Variants in KCNN2 observed in about 807,000 individuals in gnomAD.
KCNN2 encodes the protein potassium calcium-activated channel subfamily N member 2, also known as small conductance calcium-activated potassium channel protein 2.
Under a neutral mutation model 55.5 loss-of-function variants are expected in KCNN2, and 24 were observed. The ratio of observed to expected loss-of-function variants is 0.43; its 90% confidence interval spans 0.31 to 0.61. KCNN2 has a LOEUF of 0.61. Ranked by LOEUF, KCNN2 falls within the 20% of genes least tolerant of loss-of-function variation. The probability of loss-of-function intolerance (pLI) is 0.08; values close to 1 mark genes in which losing one functional copy is unlikely to be tolerated. For missense variants in KCNN2, 754 were observed against 853.6 expected, an observed-to-expected ratio of 0.88 and a Z score of 1.45; for synonymous variants, 431 against 336.1, an observed-to-expected ratio of 1.28 and a Z score of -3.09.
chr5:114,410,446 T>C (rs940140959), intron 3 of KCNN2, among the ~76,000 whole-genome samples: 1 of 152,186 alleles, frequency 6.6e-6, no homozygotes, highest in African/African-American at 2.4e-5. Flanking sequence ...GAGCATTTAG[T>C]ATATGTATAT....
At chr5:114,286,925 A>G (rs891156898) in intron 2 of KCNN2, among the ~76,000 whole-genome samples, 2 of 152,218 alleles carry the variant, frequency 1.3e-5, no homozygotes, top group African/African-American at 4.8e-5. Context: ...AGATCCAGCA[A>G]TTATAGATTT....
At chr5:114,237,068 A>G (rs569488802) in intron 2 of KCNN2, among the ~76,000 whole-genome samples, 1 of 152,248 alleles carries the variant, frequency 6.6e-6, no homozygotes, top group East Asian at 1.9e-4. Flanking sequence ...CTTGCTATAC[A>G]TGTGCAAGGG....
intron 5 of KCNN2, among the ~76,000 whole-genome samples, chr5:114,477,792 T>A (rs2150128784): frequency 6.6e-6 from 1 of 152,276 alleles, no homozygotes; most frequent in African/African-American, 2.4e-5. Flanking sequence ...CAGACATAAT[T>A]TTTAAAGTTG....
intron 1 of KCNN2, among the ~76,000 whole-genome samples, chr5:114,149,100 A>G (rs1189044612): frequency 2.0e-5 from 3 of 152,160 alleles, no homozygotes; most frequent in Admixed American, 6.5e-5. Flanking sequence ...ATAAGAGAAT[A>G]AGGTTATAGG....
chr5:114,109,808 A>G (rs1002572394), intron 1 of KCNN2, among the ~76,000 whole-genome samples: 3 of 152,054 alleles, frequency 2.0e-5, no homozygotes, highest in Non-Finnish European at 2.9e-5. Flanking sequence ...CACAGGTAGC[A>G]TGTCTGTCAA....
intron 1 of KCNN2, among the ~76,000 whole-genome samples, chr5:114,188,826 G>T (rs1298019652): frequency 6.6e-6 from 1 of 152,038 alleles, no homozygotes; most frequent in Admixed American, 6.6e-5. Context: ...AGGTGGTGGG[G>T]TATACAACCT....
At position 114,153,676 on chromosome 5, in the gene KCNN2, A is replaced by C. The variant is rs139605249; in HGVS notation, c.-270-67804A>C. On this transcript the variant is annotated intron_variant, in intron 1 of 10. Transcript: ENST00000512097. ...CGGTGGATAGTAAGCAGCCATCCTT[A>C]TCTCTGGAAGGAAATGCTATCATCT... Among the ~76,000 whole-genome samples the C allele has an allele frequency of 7.1e-4, 108 of 152,278 alleles. No individual in the cohort carries two copies. The East Asian group carries it at 0.019, about 27-fold the overall frequency.
At chr5:114,207,186 G>T (rs1042764267) in intron 1 of KCNN2, among the ~76,000 whole-genome samples, 3 of 152,104 alleles carry the variant, frequency 2.0e-5, no homozygotes, top group Non-Finnish European at 4.4e-5. Context: ...ACACTGGACC[G>T]TCAAACACCC....
At chr5:114,350,816 A>G (rs189952177) in intron 2 of KCNN2, among the ~76,000 whole-genome samples, 18 of 151,856 alleles carry the variant, frequency 1.2e-4, no homozygotes, top group Non-Finnish European at 1.2e-4. Context: ...TTGGTCCTAC[A>G]TATCTATGTT....
At position 114,367,597 on chromosome 5, in the gene KCNN2, C is replaced by T. The variant is rs528954079; in HGVS notation, c.1218+3596C>T. Among the ~76,000 whole-genome samples the T allele has an allele frequency of 1.4e-4, 22 of 151,860 alleles. No homozygotes were observed. The South Asian group carries it at 3.1e-3, about 22-fold the overall frequency. On this transcript the variant is annotated intron_variant, in intron 2 of 7. Transcript: ENST00000673685. ...GATATTAAGTAAGTAGCCTTCCTAC[C>T]TCAAGTCTCAAGGTCAAATTATAGG...
intron 1 of KCNN2, among the ~76,000 whole-genome samples, chr5:114,159,265 TG>T (rs1752711374): frequency 1.3e-5 from 2 of 152,204 alleles, no homozygotes; most frequent in African/African-American, 4.8e-5. Context: ...GATAATCATG[TG>T]GTTTTTACCT....
chr5:114,375,510 C>T (rs1176313868), intron 2 of KCNN2, among the ~76,000 whole-genome samples: 2 of 152,090 alleles, frequency 1.3e-5, no homozygotes, highest in Admixed American at 6.5e-5. Flanking sequence ...AATCATCTGT[C>T]ACTTGGAAAA....
intron 2 of KCNN2, among the ~76,000 whole-genome samples, chr5:114,285,890 G>T (rs1300357454): frequency 6.7e-6 from 1 of 150,150 alleles, no homozygotes; most frequent in Non-Finnish European, 1.5e-5. Context: ...GATTTTTAAG[G>T]TTCTGAGGCA....
chr5:114,168,166 GATAT>G (rs140274096), intron 1 of KCNN2, among the ~76,000 whole-genome samples: 2 of 139,568 alleles, frequency 1.4e-5, no homozygotes, highest in Non-Finnish European at 3.1e-5. Context: ...TATATATGTG[GATAT>G]ATATACACAC....
intron 1 of KCNN2, among the ~76,000 whole-genome samples, chr5:114,221,280 A>T (rs538278616): frequency 1.1e-3 from 160 of 152,330 alleles, no homozygotes; most frequent in African/African-American, 3.8e-3. Flanking sequence ...AATTGTTTTA[A>T]AGATTTTCTA....
intron 2 of KCNN2, among the ~76,000 whole-genome samples, chr5:114,401,198 A>G (rs1758777781): frequency 6.6e-6 from 1 of 152,136 alleles, no homozygotes; most frequent in Admixed American, 6.5e-5. Flanking sequence ...ATTAAAATAT[A>G]TGCTATGATA....
At chr5:114,299,122 T>A (rs1321822564) in intron 2 of KCNN2, among the ~76,000 whole-genome samples, 2 of 132,364 alleles carry the variant, frequency 1.5e-5, no homozygotes, top group Admixed American at 8.3e-5. Context: ...TTCCTTCCTC[T>A]TATTCTTTCT....
intron 1 of KCNN2, among the ~76,000 whole-genome samples, chr5:114,198,102 T>C (rs1281171251): frequency 3.9e-5 from 6 of 152,008 alleles, no homozygotes; most frequent in Non-Finnish European, 5.9e-5. Flanking sequence ...TATGAATTTT[T>C]TTAAATAAAT....
Position 114,123,119 on chromosome 5 carries a change from C to G in KCNN2, c.-271+66619C>G, listed in dbSNP as rs186633649. ...AGATAAATCCATGTTATCAGTGCAC[C>G]AGGCACCACTCTTACTGAGGCAGTG... On this transcript the variant is annotated intron_variant, in intron 1 of 10. Transcript: ENST00000512097. 3.3e-5 allele frequency among the ~76,000 whole-genome samples: 5 copies of G among 152,184 alleles called. No homozygotes were observed. The East Asian group carries it at 9.7e-4, about 29-fold the overall frequency.
Sources: gnomAD v4.1 joint callset for allele counts (sites outside exome capture counted in the v4.1 genomes callset) on GRCh38, gnomAD v4.1.1 for gene constraint, MANE v1.5 for transcripts, NCBI Gene and HGNC (gene_info 2026-07-23, HGNC 2026-07-21) for gene names.